RBFOX1: variants seen among roughly 807,000 people sequenced by gnomAD.
RBFOX1 encodes the protein RNA binding protein fox-1 homolog 1.
RBFOX1 carries 8 observed loss-of-function variants against 57.7 expected under a neutral mutation model. The observed-to-expected ratio is 0.14, with a 90% confidence interval of 0.08 to 0.25. The LOEUF (loss-of-function observed/expected upper bound fraction) is 0.25. Ranked by LOEUF, RBFOX1 falls within the 10% of genes least tolerant of loss-of-function variation. RBFOX1 has a pLI of 1.00. For missense variants in RBFOX1, 611 were observed against 548.5 expected, an observed-to-expected ratio of 1.11 and a Z score of -1.14; for synonymous variants, 326 against 222.4, an observed-to-expected ratio of 1.47 and a Z score of -4.15.
intron 5 of RBFOX1, among the ~76,000 whole-genome samples, chr16:7,544,259 A>C (rs114298806): frequency 1.4e-3 from 220 of 152,336 alleles, no homozygotes; most frequent in African/African-American, 5.0e-3. Context: ...GGAGAAGTGA[A>C]CGTTGGAGTC....
At chr16:6,832,893 C>T (rs1016008533) in intron 3 of RBFOX1, among the ~76,000 whole-genome samples, 7 of 152,310 alleles carry the variant, frequency 4.6e-5, no homozygotes, top group Admixed American at 1.3e-4. Context: ...GATTGACAGG[C>T]GAACTAGTGT....
chr16:6,794,133 G>A (rs1202628908), intron 3 of RBFOX1, among the ~76,000 whole-genome samples: 1 of 152,056 alleles, frequency 6.6e-6, no homozygotes, highest in Non-Finnish European at 1.5e-5. Context: ...CTGTTAAATC[G>A]CTCCTATGCT....
intron 2 of RBFOX1, among the ~76,000 whole-genome samples, chr16:6,351,365 TATATATA>T (rs1567995080): frequency 7.0e-5 from 7 of 99,964 alleles, no homozygotes; most frequent in African/African-American, 2.9e-4. Context: ...TATATATATA[TATATATA>T]TTTTTTTTTT....
intron 3 of RBFOX1, among the ~76,000 whole-genome samples, chr16:6,860,670 A>G (rs931147218): frequency 2.0e-5 from 3 of 152,228 alleles, no homozygotes; most frequent in African/African-American, 7.2e-5. Flanking sequence ...GAAATAGAAG[A>G]TAAATTGTAG....
chr16:5,713,854 C>G (rs920267897), intron 3 of RBFOX1, among the ~76,000 whole-genome samples: 1 of 152,200 alleles, frequency 6.6e-6, no homozygotes, highest in Non-Finnish European at 1.5e-5. Flanking sequence ...AAGACTCGAT[C>G]TGCAGTGACC....
At chr16:6,514,078 G>A (rs140307211) in intron 2 of RBFOX1, among the ~76,000 whole-genome samples, 1 of 152,290 alleles carries the variant, frequency 6.6e-6, no homozygotes, top group East Asian at 1.9e-4. Flanking sequence ...GTAGCCATTG[G>A]TCGTCAAGAA....
intron 4 of RBFOX1, among the ~76,000 whole-genome samples, chr16:7,276,912 C>G (rs1039454327): frequency 6.6e-6 from 1 of 152,114 alleles, no homozygotes; most frequent in African/African-American, 2.4e-5. Flanking sequence ...TAGTGATAAA[C>G]AGTTTGATGC....
intron 3 of RBFOX1, among the ~76,000 whole-genome samples, chr16:5,858,050 C>T (rs143814229): frequency 1.6e-4 from 24 of 152,120 alleles, no homozygotes; most frequent in Non-Finnish European, 3.4e-4. Context: ...GGTATGAGGT[C>T]AGTGGAAAGG....
intron 3 of RBFOX1, among the ~76,000 whole-genome samples, chr16:5,617,274 C>G (rs2048059748): frequency 1.3e-5 from 2 of 152,322 alleles, no homozygotes; most frequent in Non-Finnish European, 1.5e-5. Flanking sequence ...CTCCCATTCA[C>G]TTTGAAGACT....
At position 7,595,624 on chromosome 16, in the gene RBFOX1, G is replaced by A. The variant is rs754135598; in HGVS notation, c.544G>A (p.Glu182Lys). 1 of 1,583,866 alleles carries A rather than the reference G, an allele frequency of 6.3e-7. No homozygotes were observed. Among genetic ancestry groups the A allele is most frequent in the Non-Finnish European group, 8.6e-7 (1 of 1,163,572 alleles). The change falls in exon 8 of 16, where the codon GAG becomes AAG. Residue 182 changes from glutamate to lysine, a missense_variant. Physicochemically the swap from Glu to Lys is moderately conservative, Grantham distance 56 (BLOSUM62 1). Around this residue, in one of 3 missense-constraint regions of RBFOX1, gnomAD observed 99 missense variants for 160.3 expected, o/e 0.62. Transcript: ENST00000550418. ...GGAGAAATTACACGGCACCGTGGTAGAGGGCCGTAAAATCGAGGTGCATGT... is the reference window on the plus strand; with the variant it reads ...GGAGAAATTACACGGCACCGTGGTAAAGGGCCGTAAAATCGAGGTGCATGT... ...AREKLHGTVV[E>K]GRKIEVNNAT...
chr16:6,779,983 ATATATTTATATATT>A (rs2080312882), intron 3 of RBFOX1, among the ~76,000 whole-genome samples: 1 of 50,040 alleles, frequency 2.0e-5, no homozygotes, highest in African/African-American at 1.1e-4. Context: ...TTATATATTT[ATATATTTATATATT>A]TATATATATT....
At chr16:6,930,640 C>G (rs932954196) in intron 3 of RBFOX1, among the ~76,000 whole-genome samples, 2 of 152,138 alleles carry the variant, frequency 1.3e-5, no homozygotes, top group African/African-American at 4.8e-5. Context: ...GAGCTCCTCA[C>G]CTTAGGTGAT....
chr16:5,441,459 G>A (rs950319941), intron 1 of RBFOX1, among the ~76,000 whole-genome samples: 2 of 150,614 alleles, frequency 1.3e-5, no homozygotes. Context: ...CCACCTCCAA[G>A]GTTCAAGCTA....
intron 1 of RBFOX1, among the ~76,000 whole-genome samples, chr16:6,169,452 A>T (rs1349222786): frequency 6.6e-6 from 1 of 152,160 alleles, no homozygotes; most frequent in Non-Finnish European, 1.5e-5. Flanking sequence ...TGAAAAAAAA[A>T]GCTTCAGCCA....
chr16:7,367,493 A>G (rs2097477876), intron 4 of RBFOX1, among the ~76,000 whole-genome samples: 1 of 152,178 alleles, frequency 6.6e-6, no homozygotes, highest in Non-Finnish European at 1.5e-5. Context: ...CTCTCAGGAA[A>G]GAGAAGTGAC....
At chr16:6,467,624 C>G (rs2095079686) in intron 2 of RBFOX1, among the ~76,000 whole-genome samples, 1 of 151,990 alleles carries the variant, frequency 6.6e-6, no homozygotes, top group Non-Finnish European at 1.5e-5. Context: ...TAAAAGGAAA[C>G]AAATATACAG....
chr16:6,954,602 A>G (rs2081387370), intron 3 of RBFOX1, among the ~76,000 whole-genome samples: 1 of 152,080 alleles, frequency 6.6e-6, no homozygotes, highest in African/African-American at 2.4e-5. Flanking sequence ...CCTCCTCATT[A>G]TGTAGATGGA....
chr16:6,887,429 G>A (rs554092861), intron 3 of RBFOX1, among the ~76,000 whole-genome samples: 6 of 152,144 alleles, frequency 3.9e-5, no homozygotes, highest in South Asian at 2.1e-4. Context: ...TCATCTGTGG[G>A]CTCCATGAAA....
At chr16:7,049,881 T>A (rs922605397) in intron 3 of RBFOX1, among the ~76,000 whole-genome samples, 1 of 152,176 alleles carries the variant, frequency 6.6e-6, no homozygotes, top group South Asian at 2.1e-4. Flanking sequence ...AAATTTACCT[T>A]TTTTATCATT....
Sources: allele counts gnomAD v4.1 joint callset (sites outside exome capture counted in the v4.1 genomes callset), GRCh38; gene constraint gnomAD v4.1.1; regional missense constraint gnomAD v4.1.1; transcripts MANE v1.5; gene names NCBI Gene and HGNC (gene_info 2026-07-23, HGNC 2026-07-21).